CNNM1: variants seen among roughly 807,000 people sequenced by gnomAD.
The protein encoded by CNNM1 is cyclin and CBS domain divalent metal cation transport mediator 1.
A neutral mutation model predicts 78.8 loss-of-function variants in CNNM1; 44 were observed. The ratio of observed to expected loss-of-function variants is 0.56; its 90% CI spans 0.44 to 0.72. CNNM1 has a LOEUF of 0.72. CNNM1 is among the 30% of genes least tolerant of loss of function. The pLI is 0.00. For synonymous variants in CNNM1, 584 were observed against 581.5 expected (o/e 1.00, Z -0.06); for missense variants, 1,101 against 1,292.2 (o/e 0.85, Z 2.27).
intron 1 of CNNM1, among the ~76,000 whole-genome samples, chr10:99,346,855 C>T (rs529918496): frequency 1.3e-5 from 2 of 152,318 alleles, no homozygotes; most frequent in South Asian, 4.1e-4. Flanking sequence ...AGCAATCCTC[C>T]TGCCTCAGCC....
intron 7 of CNNM1, among the ~76,000 whole-genome samples, chr10:99,384,873 C>T (rs1037236417): frequency 6.6e-6 from 1 of 151,964 alleles, no homozygotes; most frequent in Non-Finnish European, 1.5e-5. Context: ...TCAAAATCAG[C>T]CTGACCAATA....
intron 1 of CNNM1, among the ~76,000 whole-genome samples, chr10:99,336,951 C>T (rs1297211879): frequency 6.6e-6 from 1 of 152,108 alleles, no homozygotes; most frequent in African/African-American, 2.4e-5. Context: ...AAAAAAAGAA[C>T]ATAAGACTTA....
intron 7 of CNNM1, among the ~76,000 whole-genome samples, chr10:99,382,938 CT>C (rs1209894290): frequency 6.6e-6 from 1 of 152,160 alleles, no homozygotes; most frequent in Non-Finnish European, 1.5e-5. Flanking sequence ...ACTGGCCACT[CT>C]ATAAGAGAAG....
rs190461624 is a variant in CNNM1, at chr10:99,376,916, A to G, written c.2177-139A>G. On this transcript the variant is annotated intron_variant, in intron 6 of 10. Transcript: ENST00000356713. ...AGGGTGAGGCCCATCACCACCACCC[A>G]GTGTTACCATCGCCTGAAAGTCTTA... 3.8e-6 allele frequency: 3 copies of G among 786,322 alleles called. No individual in the cohort carries two copies. The African/African-American group carries it at 5.1e-5, about 13-fold the overall frequency. 48.7% of individuals were successfully genotyped at this position (786,322 alleles called of 1,614,324 possible).
In CNNM1 at chr10:99,390,482, C is replaced by T. The variant is rs2032442007; in HGVS notation, c.2776+75C>T. ...GTAGGAAAAGCATGTTAGCATCTTC[C>T]TCTTGGGGGAGGAGCCATGGACTCC... On this transcript the variant is annotated intron_variant, in intron 10 of 10. Coordinates refer to ENST00000356713, the MANE Select transcript of CNNM1 (RefSeq NM_020348.3). 11 of 1,102,650 alleles carry T rather than the reference C, an allele frequency of 1.0e-5. No individual in the cohort carries two copies. In the South Asian group the frequency reaches 1.3e-4, roughly 13 times the overall value. 68.3% of individuals were successfully genotyped at this position (1,102,650 alleles called of 1,614,324 possible).
At chr10:99,339,976 A>T (rs777024575) in intron 1 of CNNM1, among the ~76,000 whole-genome samples, 2 of 152,262 alleles carry the variant, frequency 1.3e-5, no homozygotes, top group African/African-American at 2.4e-5. Context: ...TGTTATAAAT[A>T]GATGTATTAC....
chr10:99,335,624 C>T (rs2030139238), intron 1 of CNNM1, among the ~76,000 whole-genome samples: 1 of 152,210 alleles, frequency 6.6e-6, no homozygotes, highest in Non-Finnish European at 1.5e-5. Context: ...GTAAGTGGCA[C>T]CACTTGTCCC....
intron 1 of CNNM1, among the ~76,000 whole-genome samples, chr10:99,352,748 G>A (rs899417021): frequency 1.3e-5 from 2 of 150,642 alleles, no homozygotes; most frequent in African/African-American, 4.9e-5. Flanking sequence ...TATATATTCT[G>A]GATATAAGTC....
intron 6 of CNNM1, among the ~76,000 whole-genome samples, chr10:99,374,604 A>G (rs1264293771): frequency 1.3e-5 from 2 of 152,174 alleles, no homozygotes; most frequent in African/African-American, 4.8e-5. Context: ...TAGTTTGATG[A>G]TTTAAGAGCT....
At position 99,337,671 on chromosome 10, in the gene CNNM1, A is replaced by G. The variant is rs566428098; in HGVS notation, c.1573+6711A>G. On this transcript the variant is annotated intron_variant, in intron 1 of 10. Coordinates refer to ENST00000356713, the MANE Select transcript of CNNM1 (RefSeq NM_020348.3). ...CAAGCTGTACTACCAGTGTTTGTTTATAAGTGCCTCCCACCCATATAATGA... is the reference window on the plus strand; with the variant it reads ...CAAGCTGTACTACCAGTGTTTGTTTGTAAGTGCCTCCCACCCATATAATGA... 2.0e-5 allele frequency among the ~76,000 whole-genome samples: 3 copies of G among 152,354 alleles called. No individual in the cohort carries two copies. In the South Asian group the frequency reaches 6.2e-4, roughly 32 times the overall value.
chr10:99,335,006 G>A (rs1172743853), intron 1 of CNNM1, among the ~76,000 whole-genome samples: 2 of 152,168 alleles, frequency 1.3e-5, no homozygotes, highest in Admixed American at 6.5e-5. Context: ...TGTAGGACCC[G>A]AAAGCCTGTT....
chr10:99,364,400 C>CTTTTT lies in CNNM1; in HGVS notation c.2029-9_2029-5dup. The CTTTTT allele has an allele frequency of 8.0e-7, 1 of 1,248,110 alleles. No individual in the cohort carries two copies. Among genetic ancestry groups the CTTTTT allele is most frequent in the Non-Finnish European group, 1.1e-6 (1 of 894,002 alleles). The allele number at this position is 1,248,110 out of a possible 1,614,324, so 77.3% of individuals were successfully genotyped here. On this transcript the variant is annotated splice_polypyrimidine_tract_variant and intron_variant, in intron 4 of 10. Coordinates refer to ENST00000356713, the MANE Select transcript of CNNM1 (RefSeq NM_020348.3). ...CTCATACACATTCATAGTACACTTC[C>CTTTTT]TTTTTTTTTTTTCCAGGGTAAAGTG...
chr10:99,329,376 G>T lies in CNNM1; in HGVS notation c.-12G>T, dbSNP rs1047419406. ...TTCCTGCAGTATCACGTGCAGCTGC[G>T]CTGGGTGCAGGATGGCGGCGGCCGC... On this transcript the variant is annotated 5_prime_UTR_variant, in exon 1 of 11. Transcript: ENST00000356713. The T allele has an allele frequency of 6.4e-6, 4 of 622,846 alleles. No individual in the cohort carries two copies. The highest frequency in any genetic ancestry group is 5.9e-5 in the African/African-American group (3 of 51,052). 38.6% of individuals were successfully genotyped at this position (622,846 alleles called of 1,614,324 possible).
In CNNM1 at chr10:99,330,211, T is replaced by C; in HGVS notation, c.824T>C (p.Val275Ala). Residue 275 changes from valine (V) to alanine (A), a missense_variant, in exon 1 of 11, where the codon GTT (valine) becomes GCT (alanine). Around this residue, in one of 3 missense-constraint regions of CNNM1, gnomAD observed 476 missense variants for 484.5 expected, o/e 0.98. Transcript: ENST00000356713. ...GAGCAGGCGCGCCGCGTGCAGGCCG[T>C]TCGCGGCAGGGGGACCCATCTGCTC... ...EQEQARRVQA[V>A]RGRGTHLLCT... 1 of 1,513,644 alleles carries C rather than the reference T, an allele frequency of 6.6e-7. No individual in the cohort carries two copies. Among genetic ancestry groups the C allele is most frequent in the East Asian group, 2.4e-5 (1 of 40,838 alleles). The allele number at this position is 1,513,644 out of a possible 1,614,324, so 93.8% of individuals were successfully genotyped here.
intron 1 of CNNM1, among the ~76,000 whole-genome samples, chr10:99,349,447 C>T (rs1333250467): frequency 1.3e-5 from 2 of 152,022 alleles, no homozygotes; most frequent in African/African-American, 4.8e-5. Flanking sequence ...AAGTTCCAAT[C>T]ATAAGGGTGG....
intron 1 of CNNM1, among the ~76,000 whole-genome samples, chr10:99,335,488 G>T (rs2030133409): frequency 6.6e-6 from 1 of 152,126 alleles, no homozygotes; most frequent in Non-Finnish European, 1.5e-5. Context: ...TTGAATAAAT[G>T]GTTTTAAATA....
chr10:99,377,151 G>A lies in CNNM1; in HGVS notation c.2273G>A (p.Ser758Asn). The part of the protein sequence containing the change: ...DFGGSNTQLY[S>N]SSNNLYMPDY... Reference sequence around the variant, plus strand: ...GGGGGCAGCAACACCCAGCTGTACAGCAGCAGCAACAACCTCTACATGCCT... The same window carrying A: ...GGGGGCAGCAACACCCAGCTGTACAACAGCAGCAACAACCTCTACATGCCT... Residue 758 changes from serine to asparagine, a missense_variant, in exon 7 of 11, where the codon AGC (serine) becomes AAC (asparagine). This residue lies in a region of CNNM1 where 348 missense variants were observed against 384.5 expected (regional missense o/e 0.90). Coordinates refer to ENST00000356713, the MANE Select transcript of CNNM1 (RefSeq NM_020348.3). 6.2e-7 allele frequency: 1 copy of A among 1,613,220 alleles called. No homozygotes were observed. The highest frequency in any genetic ancestry group is 8.5e-7 in the Non-Finnish European group (1 of 1,179,672).
intron 6 of CNNM1, among the ~76,000 whole-genome samples, chr10:99,370,353 A>AG (rs138967343): frequency 0.058 from 8,904 of 152,250 alleles, 327 homozygotes; most frequent in South Asian, 0.13. Context: ...TTAACTCTGC[A>AG]GGGTGGAGCA....
chr10:99,360,191 G>A (rs548947101), intron 2 of CNNM1, among the ~76,000 whole-genome samples: 37 of 152,258 alleles, frequency 2.4e-4, no homozygotes, highest in African/African-American at 8.9e-4. Flanking sequence ...CCAGTGGAGG[G>A]ACTGGGGTTG....
Sources: allele counts gnomAD v4.1 joint callset (sites outside exome capture counted in the v4.1 genomes callset), GRCh38; gene constraint gnomAD v4.1.1; regional missense constraint gnomAD v4.1.1; transcripts MANE v1.5; gene names NCBI Gene and HGNC (gene_info 2026-07-23, HGNC 2026-07-21).